Variants in RFX1 observed in about 807,000 individuals in gnomAD.
The protein encoded by RFX1 is regulatory factor X1, also known as MHC class II regulatory factor RFX1.
A neutral mutation model predicts 119.6 loss-of-function variants in RFX1; 42 were observed. The observed-to-expected ratio is 0.35, with a 90% CI of 0.27 to 0.45. The LOEUF is 0.45. Among genes scored for constraint, RFX1 ranks in the 20% least tolerant of loss-of-function variants. The pLI is 1.00. For synonymous variants in RFX1, 628 were observed against 618.5 expected (o/e 1.02, Z -0.23); for missense variants, 1,118 against 1,368.1 (o/e 0.82, Z 2.88).
At chr19:13,991,221 C>CA (rs1422575156) in intron 2 of RFX1, among the ~76,000 whole-genome samples, 3 of 152,158 alleles carry the variant, frequency 2.0e-5, no homozygotes, top group Admixed American at 2.0e-4. Flanking sequence ...ACTCTGTCCC[C>CA]AGTAAGGTTG....
Position 13,969,944 on chromosome 19 carries a change from C to T in RFX1, c.1496+50G>A. On this transcript the variant is annotated intron_variant, in intron 10 of 20. Coordinates refer to ENST00000254325, the MANE Select transcript of RFX1 (RefSeq NM_002918.5). This position sits in a 1 kb window ranked among gnomAD's most constrained non-coding sequence, Gnocchi z 4.5. Reference sequence around the variant, plus strand: ...GACTCGGAGTGGGGGTGGGCCTTGGCATGCCCACCAATTCCCCAGGGACTG... The same window carrying T: ...GACTCGGAGTGGGGGTGGGCCTTGGTATGCCCACCAATTCCCCAGGGACTG... 6 of 1,523,754 alleles carry T rather than the reference C, an allele frequency of 3.9e-6. No homozygotes were observed. Among genetic ancestry groups the T allele is most frequent in the Non-Finnish European group, 4.4e-6 (5 of 1,123,818 alleles). The allele number at this position is 1,523,754 out of a possible 1,614,324, so 94.4% of individuals were successfully genotyped here.
intron 19 of RFX1, 41 bp downstream of exon 19, chr19:13,963,081 C>G: frequency 6.2e-7 from 1 of 1,604,532 alleles, no homozygotes; most frequent in Non-Finnish European, 8.5e-7. Flanking sequence ...GTCCCGCCGC[C>G]TGGCGCCCCG....
intron 5 of RFX1, 96 bp downstream of exon 5, chr19:13,982,025 G>C (rs975044639): frequency 4.1e-5 from 20 of 483,588 alleles, no homozygotes; most frequent in Non-Finnish European, 6.2e-5. Context: ...AGTGGGCTTG[G>C]GGGGCGGGGC....
Position 13,963,133 on chromosome 19 carries a change from C to T in RFX1, c.2713G>A (p.Val905Ile), listed in dbSNP as rs1191116434. 8.7e-6 allele frequency: 14 copies of T among 1,611,388 alleles called. No homozygotes were observed. The highest frequency in any genetic ancestry group is 1.2e-5 in the Non-Finnish European group (14 of 1,178,660). The change falls in exon 19 of 21, where the codon GTC (valine) becomes ATC (isoleucine). Residue 905 changes from valine (V) to isoleucine (I), a missense_variant. Physicochemically the swap from Val to Ile is conservative, Grantham distance 29. This residue lies in a region of RFX1 where 138 missense variants were observed against 117.8 expected (regional missense o/e 1.17). Coordinates refer to ENST00000254325, the MANE Select transcript of RFX1 (RefSeq NM_002918.5). ...CCCGCCTCGCGCACCTCGCCCATGA[C>T]GGCGATGGGGGTCTCGCCCTTGGCC... is the stretch of plus-strand genomic sequence containing the variant. The part of the protein sequence containing the change: ...AQAKGETPIA[V>I]MGEFANLATS...
rs1974474868 is a variant in RFX1 at position 13,982,981 on chromosome 19, G to A, written c.513+206C>T. ...ACATCTTGTTCTCTCTGCTGAGATG[G>A]CTCCTGCAGCTCCTCTGTCCCTGAT... On this transcript the variant is annotated intron_variant, in intron 4 of 20. Coordinates refer to ENST00000254325, the MANE Select transcript of RFX1 (RefSeq NM_002918.5). 8 of 567,890 alleles carry A rather than the reference G, an allele frequency of 1.4e-5. No homozygotes were observed. The East Asian group carries it at 1.5e-4, about 11-fold the overall frequency. 35.2% of individuals were successfully genotyped at this position (567,890 alleles called of 1,614,324 possible). A position where few individuals can be genotyped will look rare whatever the true frequency, so the allele number is the denominator to read the frequency against.
Position 14,006,203 on chromosome 19 carries a change from T to TGGGGGG in RFX1, c.-159_-154dup, listed in dbSNP as rs946127689. ...CGTGCTGGGGTCCCCGGGCCGGGCC[T>TGGGGGG]GGGGGGTGGGGGTGGGGGTCGGCCG... On this transcript the variant is annotated 5_prime_UTR_variant, in exon 1 of 21. Transcript: ENST00000254325. 1 of 151,286 alleles carries TGGGGGG rather than the reference T, an allele frequency of 6.6e-6. No homozygotes were observed. 9.4% of individuals were successfully genotyped at this position (151,286 alleles called of 1,614,324 possible). A position where few individuals can be genotyped will look rare whatever the true frequency, so the allele number is the denominator to read the frequency against.
intron 1 of RFX1, among the ~76,000 whole-genome samples, chr19:14,004,718 A>T (rs1422603412): frequency 2.0e-5 from 3 of 152,128 alleles, no homozygotes; most frequent in Non-Finnish European, 4.4e-5. Flanking sequence ...GCCTGAAATG[A>T]TCCTTTTCCT....
chr19:13,999,666 GT>G (rs138026883), intron 1 of RFX1, among the ~76,000 whole-genome samples: 7,412 of 147,880 alleles, frequency 0.05, 607 homozygotes, highest in African/African-American at 0.17. Context: ...TGAACCCTGT[GT>G]TTTTTTTTTG....
At chr19:13,981,095 C>T (rs1320781423) in intron 5 of RFX1, among the ~76,000 whole-genome samples, 1 of 152,226 alleles carries the variant, frequency 6.6e-6, no homozygotes, top group Non-Finnish European at 1.5e-5. Flanking sequence ...GGCACCCCCA[C>T]TTCCCAATGG....
chr19:13,981,524 A>G (rs1409876609), intron 5 of RFX1, among the ~76,000 whole-genome samples: 1 of 152,174 alleles, frequency 6.6e-6, no homozygotes, highest in Non-Finnish European at 1.5e-5. Context: ...TGAACCCAGG[A>G]GTCGGAGGTT....
intron 1 of RFX1, among the ~76,000 whole-genome samples, chr19:14,002,378 G>A (rs1031303516): frequency 1.3e-5 from 2 of 151,566 alleles, no homozygotes; most frequent in African/African-American, 2.4e-5. Flanking sequence ...CCAGCTACTC[G>A]GGAGGCTGAA....
chr19:13,966,457 T>C lies in RFX1; in HGVS notation c.1925A>G (p.Asn642Ser), dbSNP rs148634929. Reference sequence around the variant, plus strand: ...TGGCGCCTCACTGGGCTGGCTGAGGTTGTACCTCCAGAAGGTCTTCCACAG... The same window carrying C: ...TGGCGCCTCACTGGGCTGGCTGAGGCTGTACCTCCAGAAGGTCTTCCACAG... ...ETLWKTFWRY[N>S]LSQPSEAPPL... The change falls in exon 14 of 21, where the codon AAC becomes AGC. Residue 642 changes from asparagine to serine, a missense_variant. Transcript: ENST00000254325. The surrounding 1 kb of genome is among the most constrained non-coding windows in gnomAD (Gnocchi z 6.3). 26 of 1,610,500 alleles carry C rather than the reference T, an allele frequency of 1.6e-5. No homozygotes were observed. The highest frequency in any genetic ancestry group is 1.2e-4 in the Admixed American group (7 of 59,642).
chr19:13,983,407 AG>A (rs1307147114), intron 3 of RFX1, 78 bp downstream of exon 3: 3 of 1,261,962 alleles, frequency 2.4e-6, no homozygotes, highest in Non-Finnish European at 3.3e-6. Context: ...CGGGGAGGGG[AG>A]GTGAGGCCCC....
rs755913980 is a variant in RFX1 at position 13,982,108 on chromosome 19, G to A, written c.621+13C>T. 7.8e-7 allele frequency: 1 copy of A among 1,287,704 alleles called. No individual in the cohort carries two copies. The highest frequency in any genetic ancestry group is 1.0e-6 in the Non-Finnish European group (1 of 999,728). The allele number at this position is 1,287,704 out of a possible 1,614,324, so 79.8% of individuals were successfully genotyped here. A position where few individuals can be genotyped will look rare whatever the true frequency, so the allele number is the denominator to read the frequency against. The stretch of plus-strand genomic sequence containing the variant: ...CAGCAGGGGGGAGGGCGGCCAACAG[G>A]ACCACCACTTACCTCTGGGGGCGAG... On this transcript the variant is annotated intron_variant, in intron 5 of 20. Coordinates refer to ENST00000254325, the MANE Select transcript of RFX1 (RefSeq NM_002918.5).
chr19:13,975,423 G>A (rs914572545), intron 8 of RFX1, among the ~76,000 whole-genome samples: 3 of 152,068 alleles, frequency 2.0e-5, no homozygotes, highest in Non-Finnish European at 4.4e-5. Context: ...AGGTGGCCTG[G>A]CTCAGACTCT....
Position 13,966,719 on chromosome 19 carries a change from G to C in RFX1, c.1765C>G (p.Leu589Val). 1.2e-6 allele frequency: 2 copies of C among 1,610,876 alleles called. No homozygotes were observed. The highest frequency in any genetic ancestry group is 1.7e-6 in the Non-Finnish European group (2 of 1,178,884). Residue 589 changes from leucine to valine, a missense_variant, in exon 13 of 21, where the codon CTC (leucine) becomes GTC (valine). Physicochemically the swap from Leu to Val is conservative, Grantham distance 32 (BLOSUM62 1). Transcript: ENST00000254325. The surrounding 1 kb of genome is among the most constrained non-coding windows in gnomAD (Gnocchi z 6.3). Reference protein sequence around the residue: ...ASRSLPDFTELDLQGKVLPEG... With the variant: ...ASRSLPDFTEVDLQGKVLPEG... Reference sequence around the variant, plus strand: ...GGCAGCACCTTGCCCTGGAGGTCGAGCTCTGTGAAGTCAGGGAGGCTCCGA... The same window carrying C: ...GGCAGCACCTTGCCCTGGAGGTCGACCTCTGTGAAGTCAGGGAGGCTCCGA...
chr19:13,995,715 G>A (rs535369499), intron 1 of RFX1, among the ~76,000 whole-genome samples: 2 of 152,228 alleles, frequency 1.3e-5, no homozygotes, highest in South Asian at 4.1e-4. Context: ...GCTGGGCATG[G>A]TGGCACATGC....
At chr19:13,964,706 T>A (rs1973837722) in intron 16 of RFX1, among the ~76,000 whole-genome samples, 1 of 152,142 alleles carries the variant, frequency 6.6e-6, no homozygotes, top group Non-Finnish European at 1.5e-5. Context: ...GGTCTTGAAC[T>A]CCTGACCTCA....
chr19:13,985,666 G>A lies in RFX1; in HGVS notation c.320-2071C>T, dbSNP rs560677608. On this transcript the variant is annotated intron_variant, in intron 2 of 20. Coordinates refer to ENST00000254325, the MANE Select transcript of RFX1 (RefSeq NM_002918.5). The surrounding 1 kb of genome is among the most constrained non-coding windows in gnomAD (Gnocchi z 4.3). ...GGTTCTGCCTGGGCTGCGCCCCAAG[G>A]GCAGTGATGTGTGAACTTGGGTATA... 2.0e-5 allele frequency among the ~76,000 whole-genome samples: 3 copies of A among 152,332 alleles called. No homozygotes were observed. Among genetic ancestry groups the A allele is most frequent in the East Asian group, 3.9e-4 (2 of 5,188 alleles).
Sources: allele counts gnomAD v4.1 joint callset (sites outside exome capture counted in the v4.1 genomes callset), GRCh38; gene constraint gnomAD v4.1.1; regional missense constraint gnomAD v4.1.1; non-coding constraint Gnocchi (gnomAD v3.1); transcripts MANE v1.5; gene names NCBI Gene and HGNC (gene_info 2026-07-23, HGNC 2026-07-21).